Variants in MCAT observed in about 807,000 individuals in gnomAD.
MCAT encodes the protein malonyl-CoA-acyl carrier protein transacylase, mitochondrial.
MCAT carries 22 observed loss-of-function variants against 22.9 expected under a neutral mutation model. That is an observed-to-expected ratio of 0.96 (90% confidence interval 0.69 to 1.37). The LOEUF is 1.37. Among genes scored for constraint, MCAT ranks in the 40% most tolerant of loss-of-function variants. The pLI is 0.00. For missense variants in MCAT, 534 were observed against 533.6 expected (o/e 1.00, Z -0.01); for synonymous variants, 240 against 233.9 (o/e 1.03, Z -0.24).
At chr22:43,137,354 G>T (rs2072852) in intron 2 of MCAT, 56 bp from the exon 3 acceptor site, 488,885 of 1,450,436 alleles carry the variant, frequency 0.34, 87,489 homozygotes, top group East Asian at 0.59. Flanking sequence ...AGGAGAAAAG[G>T]CCAGGCCTGA....
rs1326104789 is a variant in MCAT, at chr22:43,137,257, C to T, written c.553G>A (p.Ala185Thr). ...ATCCCACTGGGGACAGCTTCTGAAG[C>T]TTCCTGCATGGCCTCAGCTCGGATT... ...VKIRAEAMQE[A>T]SEAVPSGMLS... is the part of the protein sequence containing the mutation. Residue 185 changes from alanine to threonine, a missense_variant, in exon 3 of 4, where the codon GCT becomes ACT. Coordinates refer to ENST00000290429, the MANE Select transcript of MCAT (RefSeq NM_173467.5). 1.2e-6 allele frequency: 2 copies of T among 1,614,200 alleles called. No individual in the cohort carries two copies. The highest frequency in any genetic ancestry group is 1.7e-4 in the Middle Eastern group (1 of 6,058).
At chr22:43,133,584 G>C in intron 3 of MCAT, 98 bp from the exon 4 acceptor site, 1 of 854,576 alleles carries the variant, frequency 1.2e-6, no homozygotes. Context: ...TGACCACAAA[G>C]AGACCCACAG....
At position 43,133,355 on chromosome 22, in the gene MCAT, T is replaced by C; in HGVS notation, c.861A>G (p.Ala287=). 6.2e-7 allele frequency: 1 copy of C among 1,614,196 alleles called. No homozygotes were observed. Among genetic ancestry groups the C allele is most frequent in the Non-Finnish European group, 8.5e-7 (1 of 1,180,026 alleles). The part of the protein sequence containing the change: ...AVEPLTQALK[A]VDIKKPLVSV... ...AAACCAGAGGCTTCTTAATGTCGACTGCCTTTAAAGCTTGCGTCAGGGGCT... is the reference window on the plus strand; with the variant it reads ...AAACCAGAGGCTTCTTAATGTCGACCGCCTTTAAAGCTTGCGTCAGGGGCT... Residue 287 remains alanine (A), a synonymous_variant, in exon 4 of 4, where the codon GCA becomes GCG. Transcript: ENST00000290429.
rs779698669 is a variant in MCAT, at chr22:43,133,157, C to T, written c.1059G>A (p.Gln353=). ...PQTFEVGPGR[Q]LGAILKSCNM... ...TACAGCTCTTCAGGATGGCTCCCAG[C>T]TGCCTGCCAGGGCCTACTTCGAAAG... Residue 353 remains glutamine (Q), a synonymous_variant, in exon 4 of 4, where the codon CAG becomes CAA. Transcript: ENST00000290429. The T allele has an allele frequency of 6.2e-7, 1 of 1,614,224 alleles. No homozygotes were observed. The highest frequency in any genetic ancestry group is 2.2e-5 in the East Asian group (1 of 44,876).
At position 43,133,134 on chromosome 22, in the gene MCAT, C is replaced by G. The variant is rs753294297; in HGVS notation, c.1082G>C (p.Cys361Ser). Residue 361 changes from cysteine to serine, a missense_variant, in exon 4 of 4, where the codon TGT becomes TCT. Transcript: ENST00000290429. ...GRQLGAILKS[C>S]NMQAWKSYSA... ...GTAGGACTTCCAGGCCTGCATGTTA[C>G]AGCTCTTCAGGATGGCTCCCAGCTG... 3.7e-6 allele frequency: 6 copies of G among 1,614,210 alleles called. No individual in the cohort carries two copies. The highest frequency in any genetic ancestry group is 5.1e-6 in the Non-Finnish European group (6 of 1,180,038).
chr22:43,135,334 C>A (rs189197307), intron 3 of MCAT, among the ~76,000 whole-genome samples: 2 of 152,192 alleles, frequency 1.3e-5, no homozygotes, highest in Admixed American at 1.3e-4. Context: ...AAAACCCCGT[C>A]TCTAATAAAA....
chr22:43,141,354 G>T lies in MCAT; in HGVS notation c.424-105C>A. On this transcript the variant is annotated intron_variant, in intron 1 of 3. Coordinates refer to ENST00000290429, the MANE Select transcript of MCAT (RefSeq NM_173467.5). The stretch of plus-strand genomic sequence containing the variant: ...GGGTGTTCAGCATCTCAGTGAGCCA[G>T]GTTCTACGAACTTGGTGCACCAGCT... 8.7e-6 allele frequency: 8 copies of T among 915,340 alleles called. No homozygotes were observed. In the South Asian group the frequency reaches 1.1e-4, roughly 12 times the overall value. The allele number at this position is 915,340 out of a possible 1,614,324, so 56.7% of individuals were successfully genotyped here. A position where few individuals can be genotyped will look rare whatever the true frequency, so the allele number is the denominator to read the frequency against.
At position 43,143,174 on chromosome 22, in the gene MCAT, G is replaced by A. The variant is rs746655127; in HGVS notation, c.175C>T (p.Pro59Ser). 1.9e-6 allele frequency: 3 copies of A among 1,557,022 alleles called. No individual in the cohort carries two copies. The highest frequency in any genetic ancestry group is 1.8e-5 in the Admixed American group (1 of 54,370). The change falls in exon 1 of 4, where the codon CCG becomes TCG. Residue 59 changes from proline to serine, a missense_variant. Pro to Ser is a moderately conservative substitution (Grantham distance 74). Coordinates refer to ENST00000290429, the MANE Select transcript of MCAT (RefSeq NM_173467.5). Reference protein sequence around the residue: ...APWAATERRMPGQCSVLLFPG... With the variant: ...APWAATERRMSGQCSVLLFPG... The stretch of plus-strand genomic sequence containing the variant: ...AAGAGCAGCACGGAGCACTGGCCCG[G>A]CATTCGCCGCTCCGTCGCCGCCCAG...
chr22:43,138,201 C>G (rs141672426), intron 2 of MCAT, among the ~76,000 whole-genome samples: 11 of 152,156 alleles, frequency 7.2e-5, no homozygotes, highest in African/African-American at 2.7e-4. Context: ...CCACTGCACA[C>G]CAGCCTGGTG....
In MCAT at chr22:43,133,117, T is replaced by A. The variant is rs772981970; in HGVS notation, c.1099A>T (p.Lys367Ter). The A allele has an allele frequency of 6.2e-7, 1 of 1,614,184 alleles. No individual in the cohort carries two copies. The highest frequency in any genetic ancestry group is 1.1e-5 in the South Asian group (1 of 91,080). ...ILKSCNMQAW[K>*]SYSAVDVLQT... is the part of the protein sequence containing the mutation. ...AGCACATCCACGGCGCTGTAGGACT[T>A]CCAGGCCTGCATGTTACAGCTCTTC... The change falls in exon 4 of 4, where the codon AAG (lysine) becomes TAG (stop). Residue 367 changes from lysine to a stop codon, truncating the protein, a stop_gained. Transcript: ENST00000290429. LOFTEE classifies it low-confidence loss of function (END_TRUNC).
At chr22:43,137,010 T>G (rs998190613) in intron 3 of MCAT, 71 bp downstream of exon 3, 1 of 1,343,476 alleles carries the variant, frequency 7.4e-7, no homozygotes, top group African/African-American at 1.4e-5. Flanking sequence ...CTGCTAGGCC[T>G]CACGGGTGTG....
chr22:43,136,470 C>T (rs910005513), intron 3 of MCAT, among the ~76,000 whole-genome samples: 2 of 152,182 alleles, frequency 1.3e-5, no homozygotes, highest in African/African-American at 4.8e-5. Context: ...AACACATGCC[C>T]GTCCTCCAGC....
chr22:43,143,360 T>G lies in MCAT; in HGVS notation c.-12A>C, dbSNP rs1196982911. The G allele has an allele frequency of 4.4e-6, 6 of 1,355,530 alleles. No individual in the cohort carries two copies. The highest frequency in any genetic ancestry group is 1.5e-5 in the African/African-American group (1 of 65,018). The allele number at this position is 1,355,530 out of a possible 1,614,324, so 84.0% of individuals were successfully genotyped here. The stretch of plus-strand genomic sequence containing the variant: ...ACCCGGACGCTCATGGTCGGACACC[T>G]GCCCGCGCGCGTTACCGTGGCGACC... On this transcript the variant is annotated 5_prime_UTR_variant, in exon 1 of 4. Transcript: ENST00000290429.
At chr22:43,133,521 C>T (rs761178108) in intron 3 of MCAT, 35 bp from the exon 4 acceptor site, 13 of 1,526,588 alleles carry the variant, frequency 8.5e-6, no homozygotes, top group South Asian at 1.2e-5. Context: ...CGAGCAATGT[C>T]CCAGAAATCC....
chr22:43,142,252 A>G (rs56322050), intron 1 of MCAT, among the ~76,000 whole-genome samples: 3,883 of 152,352 alleles, frequency 0.025, 178 homozygotes, highest in African/African-American at 0.089. Context: ...CATTTAGGCC[A>G]GTGCAGTGGC....
chr22:43,138,724 G>A (rs1033723150), intron 2 of MCAT, among the ~76,000 whole-genome samples: 4 of 152,094 alleles, frequency 2.6e-5, no homozygotes, highest in East Asian at 3.9e-4. Context: ...GTGACAGAGC[G>A]AGACCCTGTC....
At chr22:43,141,316 C>T (rs144043205) in intron 1 of MCAT, 67 bp from the exon 2 acceptor site, 4 of 1,381,994 alleles carry the variant, frequency 2.9e-6, no homozygotes, top group Middle Eastern at 1.8e-4. Context: ...GGCTCTGTAC[C>T]TGAGAGCTGG....
At chr22:43,138,522 A>G (rs914107622) in intron 2 of MCAT, among the ~76,000 whole-genome samples, 10 of 152,162 alleles carry the variant, frequency 6.6e-5, no homozygotes, top group African/African-American at 2.4e-4. Context: ...AGATCACTTG[A>G]GCTCAGGAGT....
chr22:43,137,796 C>G (rs141531018), intron 2 of MCAT, among the ~76,000 whole-genome samples: 17 of 151,230 alleles, frequency 1.1e-4, no homozygotes, highest in African/African-American at 4.1e-4. Flanking sequence ...TAAAGAGGAA[C>G]AGGGTGGAAG....
Sources: gnomAD v4.1 joint callset for allele counts (sites outside exome capture counted in the v4.1 genomes callset) on GRCh38, gnomAD v4.1.1 for gene constraint, MANE v1.5 for transcripts, NCBI Gene and HGNC (gene_info 2026-07-23, HGNC 2026-07-21) for gene names.